The following TSC2 variants were observed in gnomAD, a reference collection of about 807,000 sequenced individuals.
The protein encoded by TSC2 is tuberin.
TSC2 carries 29 observed loss-of-function variants against 202.2 expected under a neutral mutation model. The observed-to-expected ratio is 0.14, with a 90% CI of 0.11 to 0.20. TSC2 has a LOEUF of 0.20. TSC2 is among the 10% of genes least tolerant of loss of function. The probability of loss-of-function intolerance (pLI) is 1.00; values close to 1 mark genes in which losing one functional copy is unlikely to be tolerated. For synonymous variants in TSC2, 1,349 were observed against 1,044.0 expected, an observed-to-expected ratio of 1.29 and a Z score of -5.63; for missense variants, 2,429 against 2,420.0, an observed-to-expected ratio of 1.00 and a Z score of -0.08.
chr16:2,063,644 C>G (rs942622963), intron 14 of TSC2: 1 of 224,046 alleles, frequency 4.5e-6, no homozygotes, highest in African/African-American at 2.3e-5. Flanking sequence ...GCTGCCCACT[C>G]TGCTCCTCTC....
At chr16:2,061,735 G>T (rs530157056) in intron 11 of TSC2, 136 bp from the exon 12 acceptor site, 7 of 1,448,562 alleles carry the variant, frequency 4.8e-6, no homozygotes, top group Non-Finnish European at 6.7e-6. Context: ...GGCTGGGGGC[G>T]TCTGTCCCCA....
rs746177025 is a variant in TSC2, at chr16:2,060,693, G to A, written c.999G>A (p.Val333=). The part of the protein sequence containing the change: ...FYQAMACPNE[V]VSYEIVLSIT... ...AGGCCATGGCATGTCCGAACGAGGT[G>A]GTGTCCTATGAGATCGTCCTGTCCA... The change falls in exon 11 of 42, where the codon GTG becomes GTA. Residue 333 remains valine, a synonymous_variant. Coordinates refer to ENST00000219476, the MANE Select transcript of TSC2 (RefSeq NM_000548.5). The A allele has an allele frequency of 3.7e-6, 6 of 1,614,112 alleles. No homozygotes were observed. The East Asian group carries it at 1.1e-4, about 30-fold the overall frequency.
At chr16:2,063,246 A>G (rs937421855) in intron 14 of TSC2, 193 bp downstream of exon 14, 58 of 696,856 alleles carry the variant, frequency 8.3e-5, no homozygotes, top group African/African-American at 6.5e-4. Flanking sequence ...TGCCTCTGCC[A>G]GGCCTTGACA....
intron 16 of TSC2, among the ~76,000 whole-genome samples, chr16:2,066,066 C>CAG (rs1480089781): frequency 1.3e-5 from 2 of 152,190 alleles, no homozygotes; most frequent in African/African-American, 4.8e-5. Flanking sequence ...AGTAAATTCA[C>CAG]AGAGCTCTGC....
rs1045023225 is a variant in TSC2 at position 2,057,010 on chromosome 16, G to A, written c.775-95G>A. 17 of 1,496,084 alleles carry A rather than the reference G, an allele frequency of 1.1e-5. No homozygotes were observed. The African/African-American group carries it at 1.8e-4, about 16-fold the overall frequency. The allele number at this position is 1,496,084 out of a possible 1,614,324, so 92.7% of individuals were successfully genotyped here. A position where few individuals can be genotyped will look rare whatever the true frequency, so the allele number is the denominator to read the frequency against. On this transcript the variant is annotated intron_variant, in intron 8 of 41. Transcript: ENST00000219476. ...TGGCGAGCTGGCCGGACCTTGGGTG[G>A]CTATAGGGCAGCAGCCAGGCGGGGC... is the stretch of plus-strand genomic sequence containing the variant.
intron 14 of TSC2, 133 bp downstream of exon 14, chr16:2,063,186 C>T: frequency 1.8e-6 from 2 of 1,121,338 alleles, no homozygotes; most frequent in Non-Finnish European, 2.6e-6. Context: ...TCTGCAGCCC[C>T]CAGCGTGGTC....
At position 2,084,457 on chromosome 16, in the gene TSC2, C is replaced by T. The variant is rs1197792694; in HGVS notation, c.4235C>T (p.Pro1412Leu). ...GDKADVGRLS[P>L]EVKARSQSGT... The stretch of plus-strand genomic sequence containing the variant: ...AAGGCCGACGTGGGCCGGCTGAGCC[C>T]TGAGGTTAAGGCCCGGTCACAGTCA... Residue 1412 changes from proline to leucine, a missense_variant, in exon 34 of 42, where the codon CCT becomes CTT. Physicochemically the swap from Pro to Leu is moderately conservative, Grantham distance 98. Coordinates refer to ENST00000219476, the MANE Select transcript of TSC2 (RefSeq NM_000548.5). The T allele has an allele frequency of 1.2e-6, 2 of 1,609,400 alleles. No homozygotes were observed. Among genetic ancestry groups the T allele is most frequent in the South Asian group, 1.1e-5 (1 of 90,486 alleles).
At chr16:2,068,305 G>A (rs1164816007) in intron 16 of TSC2, among the ~76,000 whole-genome samples, 7 of 152,194 alleles carry the variant, frequency 4.6e-5, no homozygotes, top group African/African-American at 7.2e-5. Context: ...CCCCCAAAGT[G>A]TTGGGATTAC....
In TSC2 at chr16:2,088,358, G is replaced by A. The variant is rs1016493751; in HGVS notation, c.5259+33G>A. The A allele has an allele frequency of 2.5e-6, 4 of 1,612,140 alleles. No homozygotes were observed. In the African/African-American group the frequency reaches 5.3e-5, roughly 22 times the overall value. On this transcript the variant is annotated intron_variant, in intron 41 of 41. Coordinates refer to ENST00000219476, the MANE Select transcript of TSC2 (RefSeq NM_000548.5). ...ATATGGGGCTCCCTCAGCGGGGTGT[G>A]CTGGCTGCCCAAGCTGTGGGGCGGG...
intron 3 of TSC2, among the ~76,000 whole-genome samples, chr16:2,051,041 C>T (rs577727989): frequency 5.9e-5 from 9 of 151,810 alleles, no homozygotes; most frequent in East Asian, 5.9e-4. Flanking sequence ...ATTTCTATGC[C>T]GAGCGGGGGT....
chr16:2,056,852 T>C, intron 8 of TSC2, 83 bp downstream of exon 8: 1 of 1,589,642 alleles, frequency 6.3e-7, no homozygotes, highest in Non-Finnish European at 8.5e-7. Flanking sequence ...TGAATGGTTG[T>C]CTGATTCTTG....
Position 2,088,002 on chromosome 16 carries a change from T to G in TSC2, c.5069-46T>G, listed in dbSNP as rs756154341. The G allele has an allele frequency of 4.2e-5, 67 of 1,610,240 alleles. No homozygotes were observed. The East Asian group carries it at 1.2e-3, about 30-fold the overall frequency. ...TAGGGCCGGGTGGGGCCCTGCAGTGTGGCGCCAAGAGCCCTGGGCCTGGCG... is the reference window on the plus strand; with the variant it reads ...TAGGGCCGGGTGGGGCCCTGCAGTGGGGCGCCAAGAGCCCTGGGCCTGGCG... On this transcript the variant is annotated intron_variant, in intron 39 of 41. Coordinates refer to ENST00000219476, the MANE Select transcript of TSC2 (RefSeq NM_000548.5).
In TSC2 at chr16:2,076,139, T is replaced by C. The variant is rs2089325564; in HGVS notation, c.2711T>C (p.Phe904Ser). The change falls in exon 24 of 42, where the codon TTC becomes TCC. Residue 904 changes from phenylalanine (F) to serine (S), a missense_variant. Physicochemically the swap from Phe to Ser is radical, Grantham distance 155. Coordinates refer to ENST00000219476, the MANE Select transcript of TSC2 (RefSeq NM_000548.5). Reference protein sequence around the residue: ...AMWFIRCRLPFRKDFVPFITK... With the variant: ...AMWFIRCRLPSRKDFVPFITK... ...TGGTTCATCAGGTGCCGCCTGCCCT[T>C]CCGGAAGGATTTTGTCCCTTTCATC... The C allele has an allele frequency of 6.2e-7, 1 of 1,613,794 alleles. No individual in the cohort carries two copies. Among genetic ancestry groups the C allele is most frequent in the Non-Finnish European group, 8.5e-7 (1 of 1,180,014 alleles).
chr16:2,089,425 G>T lies in TSC2; in HGVS notation c.*815G>T. ...AGTGGGGGACATCTGCCCAGGGGGT[G>T]GGGCCGGGCACAGCCCGCTGTACCT... On this transcript the variant is annotated 3_prime_UTR_variant, in exon 42 of 42. Transcript: ENST00000219476. The T allele has an allele frequency of 2.1e-6, 1 of 477,240 alleles. No individual in the cohort carries two copies. The highest frequency in any genetic ancestry group is 3.8e-6 in the Non-Finnish European group (1 of 263,080). The allele number at this position is 477,240 out of a possible 1,614,324, so 29.6% of individuals were successfully genotyped here.
chr16:2,064,490 C>A, intron 15 of TSC2, 63 bp downstream of exon 15: 2 of 1,607,550 alleles, frequency 1.2e-6, no homozygotes, highest in East Asian at 4.5e-5. Flanking sequence ...CAGCAATGGC[C>A]TCTGGGCCCT....
At position 2,089,216 on chromosome 16, in the gene TSC2, G is replaced by GC. The variant is rs2091323855; in HGVS notation, c.*610dup. On this transcript the variant is annotated 3_prime_UTR_variant, in exon 42 of 42. Coordinates refer to ENST00000219476, the MANE Select transcript of TSC2 (RefSeq NM_000548.5). ...TGGGGGAGGCCAGCTCTGGGCGCAG[G>GC]CCCCTCAGCCCTAGTGAAAATAGTG... 5.8e-6 allele frequency: 1 copy of GC among 173,528 alleles called. No individual in the cohort carries two copies. Among genetic ancestry groups the GC allele is most frequent in the Admixed American group, 5.5e-5 (1 of 18,226 alleles). 10.7% of individuals were successfully genotyped at this position (173,528 alleles called of 1,614,324 possible).
At chr16:2,061,623 C>G (rs1435240245) in intron 11 of TSC2, 1 of 576,030 alleles carries the variant, frequency 1.7e-6, no homozygotes, top group Non-Finnish European at 3.1e-6. Flanking sequence ...ACTGTGGCCC[C>G]TTGAGAGGAT....
chr16:2,056,706 G>A lies in TSC2; in HGVS notation c.711G>A (p.Pro237=), dbSNP rs189380607. 1.9e-5 allele frequency: 30 copies of A among 1,612,462 alleles called. No homozygotes were observed. The highest frequency in any genetic ancestry group is 1.7e-4 in the Middle Eastern group (1 of 6,060). ...ACTGCCTGCCGGCTGAGAGCCTCCC[G>A]CTGTTCATCGTTACCCTCTGTCGCA... ...CYNCLPAESL[P]LFIVTLCRTI... The change falls in exon 8 of 42, where the codon CCG becomes CCA. Residue 237 remains proline (P), a synonymous_variant. Transcript: ENST00000219476.
chr16:2,084,138 A>C (rs937579364), intron 33 of TSC2, 90 bp from the exon 34 acceptor site: 11 of 1,545,378 alleles, frequency 7.1e-6, no homozygotes, highest in Non-Finnish European at 9.6e-6. Context: ...GGGATGGAGG[A>C]CAGATAGGGC....
Sources: gnomAD v4.1 joint callset for allele counts (sites outside exome capture counted in the v4.1 genomes callset) on GRCh38, gnomAD v4.1.1 for gene constraint, MANE v1.5 for transcripts, NCBI Gene and HGNC (gene_info 2026-07-23, HGNC 2026-07-21) for gene names.